ZFAT: variants seen among roughly 807,000 people sequenced by gnomAD.
The protein encoded by ZFAT is zinc finger protein ZFAT.
In ZFAT, 64 loss-of-function variants were observed where a neutral mutation model predicts 117.7. The ratio of observed to expected loss-of-function variants is 0.54; its 90% CI spans 0.44 to 0.67. ZFAT has a LOEUF of 0.67. Ranked by LOEUF, ZFAT falls within the 30% of genes least tolerant of loss-of-function variation. The pLI, the probability that ZFAT is intolerant of heterozygous loss-of-function variation, is 0.00. For synonymous variants in ZFAT, 679 were observed against 615.0 expected, an observed-to-expected ratio of 1.10 and a Z score of -1.54; for missense variants, 1,433 against 1,584.5, an observed-to-expected ratio of 0.90 and a Z score of 1.62.
At chr8:134,493,641 G>A (rs1344961932) in intron 15 of ZFAT, among the ~76,000 whole-genome samples, 1 of 152,226 alleles carries the variant, frequency 6.6e-6, no homozygotes, top group Admixed American at 6.5e-5. Flanking sequence ...GAGACGGCGG[G>A]GCAGGGGGCA....
At chr8:134,630,211 C>A (rs755570328) in intron 3 of ZFAT, among the ~76,000 whole-genome samples, 2 of 152,232 alleles carry the variant, frequency 1.3e-5, no homozygotes, top group Non-Finnish European at 2.9e-5. Flanking sequence ...CGCCCAAGAC[C>A]AAGCACGGCT....
chr8:134,720,999 C>G, the ZFAT span, among the ~76,000 whole-genome samples: 3 of 152,202 alleles, frequency 2.0e-5, no homozygotes, highest in African/African-American at 4.8e-5. Context: ...GGCTGAGGGA[C>G]TTTTGTGAGA....
chr8:134,581,470 T>C (rs7841159), intron 10 of ZFAT, among the ~76,000 whole-genome samples: 71,204 of 152,080 alleles, frequency 0.47, 17,124 homozygotes, highest in Admixed American at 0.57. Context: ...GTATCATTTC[T>C]TTATTTTGCG....
At chr8:134,731,061 C>A in the ZFAT span, among the ~76,000 whole-genome samples, 4 of 152,052 alleles carry the variant, frequency 2.6e-5, no homozygotes, top group Non-Finnish European at 5.9e-5. Context: ...AAGTCGGGGG[C>A]AGAAAAAATG....
At chr8:134,516,027 G>A (rs1440127262) in intron 13 of ZFAT, among the ~76,000 whole-genome samples, 1 of 152,190 alleles carries the variant, frequency 6.6e-6, no homozygotes, top group Admixed American at 6.5e-5. Context: ...AAATCTAAAT[G>A]AGGTTCACAC....
intron 11 of ZFAT, among the ~76,000 whole-genome samples, chr8:134,556,572 G>A (rs1823642402): frequency 6.6e-6 from 1 of 151,930 alleles, no homozygotes; most frequent in Non-Finnish European, 1.5e-5. Flanking sequence ...TCTTAAAGCC[G>A]GCTAGAAGAA....
chr8:134,822,423 AAAGAT>A, the ZFAT span, among the ~76,000 whole-genome samples: 1 of 152,166 alleles, frequency 6.6e-6, no homozygotes, highest in Non-Finnish European at 1.5e-5. Flanking sequence ...CATAAGTAAT[AAAGAT>A]AAGTACCCGA....
At chr8:134,710,763 A>G (rs1953137590) in intron 1 of ZFAT, among the ~76,000 whole-genome samples, 1 of 152,228 alleles carries the variant, frequency 6.6e-6, no homozygotes, top group Admixed American at 6.5e-5. Context: ...TGATCATGAA[A>G]CAAAGTGTAC....
intron 2 of ZFAT, 88 bp from the exon 3 acceptor site, chr8:134,637,800 A>C (rs948421420): frequency 4.9e-5 from 73 of 1,504,390 alleles, no homozygotes; most frequent in Non-Finnish European, 6.1e-5. Context: ...GGATATGTTC[A>C]GGTTTCACGT....
intron 8 of ZFAT, among the ~76,000 whole-genome samples, chr8:134,589,712 C>A (rs1436572248): frequency 2.0e-5 from 3 of 152,178 alleles, no homozygotes; most frequent in Non-Finnish European, 4.4e-5. Context: ...TCCCCAGAGG[C>A]AGGGCTCTGA....
chr8:134,567,243 T>C (rs569242489), intron 10 of ZFAT, among the ~76,000 whole-genome samples: 7 of 152,328 alleles, frequency 4.6e-5, no homozygotes, highest in African/African-American at 9.6e-5. Context: ...CTACATCAGA[T>C]ACCCAGTAGC....
chr8:134,577,031 A>G (rs985123419), intron 10 of ZFAT, among the ~76,000 whole-genome samples: 11 of 152,204 alleles, frequency 7.2e-5, no homozygotes, highest in Admixed American at 2.6e-4. Flanking sequence ...AACCTTCCCC[A>G]TCTGCTATGG....
chr8:134,508,489 A>G (rs1819581326), intron 15 of ZFAT, among the ~76,000 whole-genome samples: 1 of 152,216 alleles, frequency 6.6e-6, no homozygotes, highest in African/African-American at 2.4e-5. Context: ...AGTCAATTTC[A>G]GACAACTCTA....
At chr8:134,664,220 G>A (rs766727989) in intron 1 of ZFAT, among the ~76,000 whole-genome samples, 11 of 151,476 alleles carry the variant, frequency 7.3e-5, no homozygotes, top group African/African-American at 1.5e-4. Flanking sequence ...AGTACAGGAC[G>A]GAGGGTCAGA....
chr8:134,638,560 C>CAAAAAAAAAA (rs1563711719), intron 2 of ZFAT, among the ~76,000 whole-genome samples: 2 of 63,034 alleles, frequency 3.2e-5, no homozygotes, highest in African/African-American at 1.5e-4. Context: ...AAAAAAAAAA[C>CAAAAAAAAAA]AAAACAAAAA....
chr8:134,797,415 T>A, the ZFAT span: 3 of 152,074 alleles, frequency 2.0e-5, no homozygotes, highest in East Asian at 3.8e-4. Context: ...TCTTACAACA[T>A]TTGCACAGAA....
chr8:134,819,496 A>C, the ZFAT span, among the ~76,000 whole-genome samples: 3,856 of 39,266 alleles, frequency 0.098, 1 homozygote, highest in Admixed American at 0.17. Context: ...CGGATTTACC[A>C]CCCCCCCCCC....
chr8:134,500,053 C>T (rs1041406159), intron 15 of ZFAT, among the ~76,000 whole-genome samples: 12 of 152,354 alleles, frequency 7.9e-5, no homozygotes, highest in Middle Eastern at 3.4e-3. Flanking sequence ...GGGCCCGCAG[C>T]GCTCTCCTCC....
chr8:134,544,786 C>G (rs188277025), intron 11 of ZFAT, among the ~76,000 whole-genome samples: 1 of 152,120 alleles, frequency 6.6e-6, no homozygotes, highest in African/African-American at 2.4e-5. Flanking sequence ...AAGGTCACTG[C>G]ACAGCCACCA....
Sources: allele counts gnomAD v4.1 joint callset (sites outside exome capture counted in the v4.1 genomes callset), GRCh38; gene constraint gnomAD v4.1.1; transcripts MANE v1.5; gene names NCBI Gene and HGNC (gene_info 2026-07-23, HGNC 2026-07-21).